The following SEPTIN9 variants were observed in gnomAD, a reference collection of about 807,000 sequenced individuals.
The protein encoded by SEPTIN9 is septin 9.
SEPTIN9 carries 13 observed loss-of-function variants against 56.6 expected under a neutral mutation model. The observed-to-expected ratio is 0.23, with a 90% CI of 0.15 to 0.37. The LOEUF (loss-of-function observed/expected upper bound fraction) is 0.37. Among genes scored for constraint, SEPTIN9 ranks in the 10% least tolerant of loss-of-function variants. The probability of loss-of-function intolerance (pLI) is 1.00; values close to 1 mark genes in which losing one functional copy is unlikely to be tolerated. For synonymous variants in SEPTIN9, 332 were observed against 334.1 expected (o/e 0.99, Z 0.07); for missense variants, 650 against 823.1 (o/e 0.79, Z 2.57).
chr17:77,343,023 ATCTATCTATCTATC>A (rs2033786092), intron 2 of SEPTIN9, among the ~76,000 whole-genome samples: 1 of 150,250 alleles, frequency 6.7e-6, no homozygotes, highest in African/African-American at 2.5e-5. Context: ...CTATCTATCT[ATCTATCTATCTATC>A]TATCTAGTCT....
rs540119423 is a variant in SEPTIN9 at position 77,486,781 on chromosome 17, C to T, written c.914-643C>T. ...GTCTGCACACACGGTCACTGTCCCT[C>T]GAGTGGCACCACCCTGCAGGCCAGC... On this transcript the variant is annotated intron_variant, in intron 4 of 11. Coordinates refer to ENST00000427177, the MANE Select transcript of SEPTIN9 (RefSeq NM_001113491.2). Among the ~76,000 whole-genome samples, 23 of 152,300 alleles carry T rather than the reference C, an allele frequency of 1.5e-4. 1 individual carries two copies. The East Asian group carries it at 3.1e-3, about 21-fold the overall frequency.
intron 2 of SEPTIN9, among the ~76,000 whole-genome samples, chr17:77,382,824 G>GGCAAAGGCGAGGGAGGAGGGTGGAA (rs1456701722): frequency 1.3e-5 from 2 of 152,110 alleles, no homozygotes; most frequent in Non-Finnish European, 2.9e-5. Flanking sequence ...GGAGGGTGGA[G>GGCAAAGGCGAGGGAGGAGGGTGGAA]GCAAAGGCGA....
intron 3 of SEPTIN9, among the ~76,000 whole-genome samples, chr17:77,431,540 T>C (rs1057024691): frequency 2.0e-5 from 3 of 152,260 alleles, no homozygotes; most frequent in African/African-American, 7.2e-5. Flanking sequence ...CTCTGCTTTG[T>C]ATGAGAACCA....
At chr17:77,363,457 G>A (rs1229697568) in intron 2 of SEPTIN9, among the ~76,000 whole-genome samples, 1 of 120,314 alleles carries the variant, frequency 8.3e-6, no homozygotes, top group African/African-American at 3.2e-5. Flanking sequence ...GTGTAATCTT[G>A]GCTCACTACC....
intron 2 of SEPTIN9, among the ~76,000 whole-genome samples, chr17:77,378,773 C>T (rs529707607): frequency 6.6e-6 from 1 of 152,148 alleles, no homozygotes; most frequent in Non-Finnish European, 1.5e-5. Flanking sequence ...ATTCTGGAGG[C>T]TGGCGTCATG....
chr17:77,373,069 C>CG (rs2033912863), intron 2 of SEPTIN9: 5 of 497,128 alleles, frequency 1.0e-5, no homozygotes, highest in Non-Finnish European at 1.3e-5. Flanking sequence ...GCGGGGCGCC[C>CG]GGGGGGAGGG....
At chr17:77,356,581 C>G (rs1046674066) in intron 2 of SEPTIN9, among the ~76,000 whole-genome samples, 5 of 149,082 alleles carry the variant, frequency 3.4e-5, no homozygotes, top group African/African-American at 1.2e-4. Flanking sequence ...GACACAGAGT[C>G]CACCCCCATG....
chr17:77,489,075 A>G (rs1344626212), intron 7 of SEPTIN9, among the ~76,000 whole-genome samples: 1 of 152,114 alleles, frequency 6.6e-6, no homozygotes, highest in Non-Finnish European at 1.5e-5. Context: ...CCCAGCCCCC[A>G]TCCTTCAGCT....
At chr17:77,493,343 C>T (rs1394141781) in intron 10 of SEPTIN9, 2 of 497,712 alleles carry the variant, frequency 4.0e-6, no homozygotes, top group Admixed American at 3.3e-5. Context: ...CCGCCAAGTT[C>T]TGGATCCTGG....
At chr17:77,374,238 C>A in intron 2 of SEPTIN9, 1 of 152,972 alleles carries the variant, frequency 6.5e-6, no homozygotes, top group Non-Finnish European at 1.5e-5. Context: ...ACAGAAGGGG[C>A]CTGCGTGCGG....
chr17:77,455,346 C>G (rs1174842866), intron 3 of SEPTIN9, among the ~76,000 whole-genome samples: 1 of 152,200 alleles, frequency 6.6e-6, no homozygotes, highest in Non-Finnish European at 1.5e-5. Context: ...TCCCGTCGAG[C>G]CTGGCTGGCA....
chr17:77,489,264 G>C (rs969636607), intron 7 of SEPTIN9, among the ~76,000 whole-genome samples: 1 of 152,210 alleles, frequency 6.6e-6, no homozygotes, highest in Non-Finnish European at 1.5e-5. Flanking sequence ...AGAGGGTTTG[G>C]TGCGTTCTTA....
At chr17:77,316,926 T>C (rs904701286) in intron 2 of SEPTIN9, among the ~76,000 whole-genome samples, 2 of 152,172 alleles carry the variant, frequency 1.3e-5, no homozygotes, top group Admixed American at 1.3e-4. Context: ...CAAAGAAAGA[T>C]ATTACATTTA....
intron 2 of SEPTIN9, chr17:77,373,226 A>C: frequency 1.8e-6 from 2 of 1,102,326 alleles, no homozygotes; most frequent in Non-Finnish European, 2.2e-6. Context: ...CGGAGCAGCC[A>C]GTGCGAGACA....
rs570265862 is a variant in SEPTIN9 at position 77,482,636 on chromosome 17, G to A, written c.913+301G>A. 96 of 626,008 alleles carry A rather than the reference G, an allele frequency of 1.5e-4. 2 individuals are homozygous for A. The South Asian group carries it at 1.6e-3, about 10-fold the overall frequency. 38.8% of individuals were successfully genotyped at this position (626,008 alleles called of 1,614,324 possible). ...GTGGTCGCTGCCTCTGAGCAATGAC[G>A]TCAGCTTGTGCAGAGGGTTCTGTGG... On this transcript the variant is annotated intron_variant, in intron 4 of 11. Coordinates refer to ENST00000427177, the MANE Select transcript of SEPTIN9 (RefSeq NM_001113491.2).
chr17:77,387,479 G>T (rs2144010599), intron 2 of SEPTIN9, among the ~76,000 whole-genome samples: 1 of 152,324 alleles, frequency 6.6e-6, no homozygotes, highest in East Asian at 1.9e-4. Context: ...ATGTCTTTTG[G>T]GGGTCACTAT....
intron 3 of SEPTIN9, among the ~76,000 whole-genome samples, chr17:77,423,527 T>G (rs1382569717): frequency 6.6e-6 from 1 of 152,242 alleles, no homozygotes; most frequent in East Asian, 1.9e-4. Flanking sequence ...ATGTGGCCCC[T>G]GAATGTGGGG....
At chr17:77,288,233 G>A (rs760137315) in intron 1 of SEPTIN9, 1 of 1,039,508 alleles carries the variant, frequency 9.6e-7, no homozygotes. Context: ...CTCTCTTTCC[G>A]GCTCCTCCCA....
In SEPTIN9 at chr17:77,319,590, C is replaced by A; in HGVS notation, c.76+12393C>A. 4 of 1,060,460 alleles carry A rather than the reference C, an allele frequency of 3.8e-6. No individual in the cohort carries two copies. Among genetic ancestry groups the A allele is most frequent in the Non-Finnish European group, 4.6e-6 (4 of 876,314 alleles). The allele number at this position is 1,060,460 out of a possible 1,614,324, so 65.7% of individuals were successfully genotyped here. A position where few individuals can be genotyped will look rare whatever the true frequency, so the allele number is the denominator to read the frequency against. On this transcript the variant is annotated intron_variant, in intron 2 of 11. Transcript: ENST00000427177. The surrounding 1 kb of genome is among the most constrained non-coding windows in gnomAD (Gnocchi z 5.3). ...TTCCTCCTGGGCAGGTGCTCCGGAA[C>A]CTTTTCTCAGCACGCTGGCCTGGGG...
Sources: allele counts gnomAD v4.1 joint callset (sites outside exome capture counted in the v4.1 genomes callset), GRCh38; gene constraint gnomAD v4.1.1; non-coding constraint Gnocchi (gnomAD v3.1); transcripts MANE v1.5; gene names NCBI Gene and HGNC (gene_info 2026-07-23, HGNC 2026-07-21).